SGMS1: variants seen among roughly 807,000 people sequenced by gnomAD.
SGMS1 encodes sphingomyelin synthase 1, also known as phosphatidylcholine:ceramide cholinephosphotransferase 1.
SGMS1 carries 13 observed loss-of-function variants against 46.2 expected under a neutral mutation model. That is an observed-to-expected ratio of 0.28 (90% confidence interval 0.18 to 0.45). SGMS1 has a LOEUF of 0.45. Among genes scored for constraint, SGMS1 ranks in the 20% least tolerant of loss-of-function variants. SGMS1 has a pLI of 1.00. For missense variants in SGMS1, 324 were observed against 519.9 expected (o/e 0.62, Z 3.66); for synonymous variants, 203 against 187.8 (o/e 1.08, Z -0.66).
chr10:50,312,482 T>A (rs1362824791), intron 8 of SGMS1, among the ~76,000 whole-genome samples: 12 of 152,052 alleles, frequency 7.9e-5, no homozygotes, highest in East Asian at 5.8e-4. Context: ...GATTTTAGAA[T>A]CTGGGGACTA....
At chr10:50,425,219 C>T (rs1027196692) in intron 6 of SGMS1, among the ~76,000 whole-genome samples, 6 of 152,228 alleles carry the variant, frequency 3.9e-5, no homozygotes, top group African/African-American at 1.4e-4. Flanking sequence ...ATAGAATTAC[C>T]ATTTGATCCA....
At chr10:50,324,124 C>A (rs1029858222) in intron 8 of SGMS1, among the ~76,000 whole-genome samples, 20 of 152,068 alleles carry the variant, frequency 1.3e-4, no homozygotes, top group African/African-American at 4.8e-4. Context: ...CCCACAGAGC[C>A]CCTAGAAACT....
chr10:50,332,237 A>C (rs1227426687), intron 7 of SGMS1, among the ~76,000 whole-genome samples: 1 of 152,102 alleles, frequency 6.6e-6, no homozygotes, highest in African/African-American at 2.4e-5. Context: ...CTTTGAACAC[A>C]GCTTGCGAAG....
At chr10:50,574,123 C>A (rs757440883) in intron 2 of SGMS1, among the ~76,000 whole-genome samples, 5 of 151,928 alleles carry the variant, frequency 3.3e-5, no homozygotes, top group Non-Finnish European at 5.9e-5. Flanking sequence ...GCAATGATTC[C>A]TTGGATATAA....
At chr10:50,541,957 T>C (rs1035188520) in intron 2 of SGMS1, among the ~76,000 whole-genome samples, 1 of 152,234 alleles carries the variant, frequency 6.6e-6, no homozygotes, top group Admixed American at 6.5e-5. Flanking sequence ...CAAGTTTTAA[T>C]GGAATAGATG....
At chr10:50,366,690 CTAT>C (rs1323097316) in intron 6 of SGMS1, among the ~76,000 whole-genome samples, 1 of 152,076 alleles carries the variant, frequency 6.6e-6, no homozygotes, top group Non-Finnish European at 1.5e-5. Context: ...TCTCAGCAAA[CTAT>C]CAGAAGATCA....
At chr10:50,313,675 T>C (rs1340975108) in intron 8 of SGMS1, among the ~76,000 whole-genome samples, 2 of 152,250 alleles carry the variant, frequency 1.3e-5, no homozygotes, top group Non-Finnish European at 2.9e-5. Context: ...TATTTCATAA[T>C]GCTTTTCTAA....
chr10:50,428,365 AATAAATCCTAGAGGATTT>A (rs1400684112), intron 6 of SGMS1, among the ~76,000 whole-genome samples: 1 of 152,170 alleles, frequency 6.6e-6, no homozygotes, highest in Non-Finnish European at 1.5e-5. Flanking sequence ...TCACTGCCAA[AATAAATCCTAGAGGATTT>A]ATTTGGCCAA....
intron 3 of SGMS1, among the ~76,000 whole-genome samples, chr10:50,508,290 G>C (rs936089526): frequency 4.6e-5 from 7 of 152,132 alleles, no homozygotes; most frequent in African/African-American, 1.7e-4. Context: ...GAGACTCAGG[G>C]GCCATAAGTT....
chr10:50,381,202 G>A (rs945915950), intron 6 of SGMS1, among the ~76,000 whole-genome samples: 4 of 150,098 alleles, frequency 2.7e-5, no homozygotes, highest in Non-Finnish European at 5.9e-5. Flanking sequence ...ATATAACCAG[G>A]AATTTAAAAA....
intron 2 of SGMS1, among the ~76,000 whole-genome samples, chr10:50,553,106 G>A (rs931718002): frequency 6.6e-6 from 1 of 152,206 alleles, no homozygotes; most frequent in African/African-American, 2.4e-5. Flanking sequence ...CAGCCATGGT[G>A]TTGTGATCTA....
intron 3 of SGMS1, among the ~76,000 whole-genome samples, chr10:50,492,769 T>C (rs935120805): frequency 6.6e-6 from 1 of 152,160 alleles, no homozygotes; most frequent in African/African-American, 2.4e-5. Flanking sequence ...TAAACCACCA[T>C]TGATATTCTT....
intron 1 of SGMS1, among the ~76,000 whole-genome samples, chr10:50,619,449 C>G (rs553657821): frequency 1.3e-5 from 2 of 152,248 alleles, no homozygotes; most frequent in East Asian, 1.9e-4. Flanking sequence ...CAAAAACAAA[C>G]AAAGTAACTC....
At chr10:50,462,481 T>A (rs1282259271) in intron 4 of SGMS1, among the ~76,000 whole-genome samples, 1 of 152,182 alleles carries the variant, frequency 6.6e-6, no homozygotes, top group Non-Finnish European at 1.5e-5. Context: ...ATGTAACAAG[T>A]ACACTTAATG....
At chr10:50,467,620 A>C (rs938567197) in intron 3 of SGMS1, among the ~76,000 whole-genome samples, 1 of 152,154 alleles carries the variant, frequency 6.6e-6, no homozygotes, top group African/African-American at 2.4e-5. Context: ...TGGCTTAATA[A>C]ATTTTCTTAA....
intron 3 of SGMS1, among the ~76,000 whole-genome samples, chr10:50,509,576 A>C (rs1344241162): frequency 6.6e-6 from 1 of 152,214 alleles, no homozygotes; most frequent in Non-Finnish European, 1.5e-5. Flanking sequence ...TGATAGAGTG[A>C]AATTTGACTG....
At chr10:50,355,536 A>G (rs1427754492) in intron 6 of SGMS1, among the ~76,000 whole-genome samples, 2 of 152,180 alleles carry the variant, frequency 1.3e-5, no homozygotes, top group African/African-American at 4.8e-5. Flanking sequence ...TGGCCTCCCA[A>G]GGTGCCGGGA....
chr10:50,530,957 G>C (rs374596920), intron 2 of SGMS1, among the ~76,000 whole-genome samples: 13 of 152,040 alleles, frequency 8.6e-5, no homozygotes, highest in African/African-American at 2.2e-4. Context: ...AAAAGTACTA[G>C]ATAAGATGAC....
At chr10:50,365,158 G>A (rs758492051) in intron 6 of SGMS1, among the ~76,000 whole-genome samples, 7 of 148,766 alleles carry the variant, frequency 4.7e-5, no homozygotes, top group South Asian at 2.1e-4. Flanking sequence ...TACTCAGGAC[G>A]TTGAGAATCT....
Sources: gnomAD v4.1 joint callset for allele counts (sites outside exome capture counted in the v4.1 genomes callset) on GRCh38, gnomAD v4.1.1 for gene constraint, MANE v1.5 for transcripts, NCBI Gene and HGNC (gene_info 2026-07-23, HGNC 2026-07-21) for gene names.